Variants in MTA2 observed in about 807,000 individuals in gnomAD.
The protein encoded by MTA2 is metastasis-associated protein MTA2.
In MTA2, 22 loss-of-function variants were observed where a neutral mutation model predicts 87.1. The observed-to-expected ratio is 0.25, with a 90% confidence interval of 0.18 to 0.36. The LOEUF (loss-of-function observed/expected upper bound fraction) is 0.36, where lower values mean the gene tolerates loss of function less well. MTA2 is among the 10% of genes least tolerant of loss of function. The pLI, the probability that MTA2 is intolerant of heterozygous loss-of-function variation, is 1.00. For synonymous variants in MTA2, 314 were observed against 310.1 expected, an observed-to-expected ratio of 1.01 and a Z score of -0.13; for missense variants, 542 against 853.2, an observed-to-expected ratio of 0.64 and a Z score of 4.54.
At position 62,596,205 on chromosome 11, in the gene MTA2, C is replaced by G. The variant is rs1032783114; in HGVS notation, c.1016+74G>C. 3.1e-6 allele frequency: 5 copies of G among 1,595,522 alleles called. No homozygotes were observed. The African/African-American group carries it at 4.0e-5, about 13-fold the overall frequency. ...GTGTGCCCCTACCTCCTGCCCACCC[C>G]CAATCACTGAGGAAGGCACAAGTTA... On this transcript the variant is annotated intron_variant, in intron 11 of 17. Coordinates refer to ENST00000278823, the MANE Select transcript of MTA2 (RefSeq NM_004739.4).
intron 16 of MTA2, 39 bp from the exon 17 acceptor site, chr11:62,594,446 C>T: frequency 6.2e-7 from 1 of 1,613,750 alleles, no homozygotes; most frequent in South Asian, 1.1e-5. Flanking sequence ...GGGAAGGGAC[C>T]CTCTCAGACT....
At chr11:62,601,359 C>A (rs1942194385) in intron 1 of MTA2, 64 bp downstream of exon 1, 13 of 1,581,158 alleles carry the variant, frequency 8.2e-6, no homozygotes, top group Non-Finnish European at 1.1e-5. Context: ...CGGTGCCGAG[C>A]CCCTCAGGTC....
At position 62,595,609 on chromosome 11, in the gene MTA2, G is replaced by A; in HGVS notation, c.1255-117C>T. The A allele has an allele frequency of 7.3e-6, 11 of 1,505,868 alleles. No individual in the cohort carries two copies. In the South Asian group the frequency reaches 1.4e-4, roughly 19 times the overall value. The allele number at this position is 1,505,868 out of a possible 1,614,324, so 93.3% of individuals were successfully genotyped here. ...GTCTAATCTCTTTACTGACCTCTTG[G>A]CCTATGTGTCTCCCCAACCAGCATC... is the stretch of plus-strand genomic sequence containing the variant. On this transcript the variant is annotated intron_variant, in intron 13 of 17. Coordinates refer to ENST00000278823, the MANE Select transcript of MTA2 (RefSeq NM_004739.4). The surrounding 1 kb of genome is among the most constrained non-coding windows in gnomAD (Gnocchi z 4.9).
chr11:62,601,473 G>A lies in MTA2; in HGVS notation c.-23C>T. On this transcript the variant is annotated 5_prime_UTR_variant, in exon 1 of 18. Coordinates refer to ENST00000278823, the MANE Select transcript of MTA2 (RefSeq NM_004739.4). ...CATGGCCGTTCCCGCCGCCGCCTCC[G>A]GCCGCACAAAGGGGTCCGGGAGGCT... The A allele has an allele frequency of 6.2e-7, 1 of 1,607,034 alleles. No individual in the cohort carries two copies. Among genetic ancestry groups the A allele is most frequent in the South Asian group, 1.1e-5 (1 of 90,084 alleles).
intron 3 of MTA2, 112 bp downstream of exon 3, chr11:62,600,054 C>G (rs1942155893): frequency 6.3e-6 from 6 of 958,476 alleles, no homozygotes; most frequent in Admixed American, 5.1e-5. Flanking sequence ...GCATTTCCCA[C>G]CCCCAAACTC....
In MTA2 at chr11:62,600,214, GCCGGAA is replaced by G; in HGVS notation, c.136_141del (p.Phe46_Arg47del). ...TTGAGGCTACTAGAAATGTCCCTGC[GCCGGAA>G]AAGACAGACAACCTTTGCCTCCACA... is the stretch of plus-strand genomic sequence containing the variant. On this transcript the variant is annotated inframe_deletion, in exon 3 of 18. Transcript: ENST00000278823. The G allele has an allele frequency of 6.2e-7, 1 of 1,614,184 alleles. No individual in the cohort carries two copies. The highest frequency in any genetic ancestry group is 8.5e-7 in the Non-Finnish European group (1 of 1,180,038).
Position 62,595,131 on chromosome 11 carries a change from G to A in MTA2, c.1484-61C>T. 3.2e-6 allele frequency: 5 copies of A among 1,571,318 alleles called. No homozygotes were observed. Among genetic ancestry groups the A allele is most frequent in the East Asian group, 2.2e-5 (1 of 44,452 alleles). On this transcript the variant is annotated intron_variant, in intron 14 of 17. Coordinates refer to ENST00000278823, the MANE Select transcript of MTA2 (RefSeq NM_004739.4). This position sits in a 1 kb window ranked among gnomAD's most constrained non-coding sequence, Gnocchi z 4.9. ...ACCATTCAGGTCTCCTCTAAGGCCA[G>A]AAGCCAACTCTAATCTTAAAAAAAT...
intron 1 of MTA2, 135 bp downstream of exon 1, chr11:62,601,288 G>A (rs1942191514): frequency 1.8e-6 from 2 of 1,123,090 alleles, no homozygotes; most frequent in African/African-American, 3.2e-5. Context: ...CTCGTCTCCC[G>A]GTTCCGGTTC....
intron 1 of MTA2, 22 bp downstream of exon 1, chr11:62,601,401 T>C (rs1032127571): frequency 9.9e-6 from 16 of 1,609,608 alleles, no homozygotes; most frequent in Non-Finnish European, 1.4e-5. Context: ...CCGGGCCCCG[T>C]ATCCCTGCGC....
rs562163868 is a variant in MTA2 at position 62,600,270 on chromosome 11, G to GA, written c.97-12dup. 6 of 1,609,792 alleles carry GA rather than the reference G, an allele frequency of 3.7e-6. No individual in the cohort carries two copies. Among genetic ancestry groups the GA allele is most frequent in the Non-Finnish European group, 5.1e-6 (6 of 1,177,898 alleles). ...ATTTCCATTTGCAGTCTAAGGGGAGGAAAAAAACAAAAACAAAACAACGTA... is the reference window on the plus strand; with the variant it reads ...ATTTCCATTTGCAGTCTAAGGGGAGGAAAAAAAACAAAAACAAAACAACGTA... On this transcript the variant is annotated splice_polypyrimidine_tract_variant and intron_variant, in intron 2 of 17. Coordinates refer to ENST00000278823, the MANE Select transcript of MTA2 (RefSeq NM_004739.4).
chr11:62,596,576 C>G, intron 9 of MTA2, 44 bp from the exon 10 acceptor site: 2 of 1,612,838 alleles, frequency 1.2e-6, no homozygotes, highest in Non-Finnish European at 8.5e-7. Context: ...CATCTGGCCC[C>G]AGGTCCTGGT....
intron 1 of MTA2, 141 bp from the exon 2 acceptor site, chr11:62,600,830 T>C (rs1276828950): frequency 1.5e-6 from 1 of 660,586 alleles, no homozygotes; most frequent in Non-Finnish European, 2.6e-6. Flanking sequence ...GATGTGAAAG[T>C]GGACAGACTA....
Position 62,594,043 on chromosome 11 carries a change from G to C in MTA2, c.1842-3C>G. 6.3e-7 allele frequency: 1 copy of C among 1,589,256 alleles called. No individual in the cohort carries two copies. Among genetic ancestry groups the C allele is most frequent in the Non-Finnish European group, 8.6e-7 (1 of 1,169,070 alleles). ...GGGTCAGAGCCTTCCGTAGGGCCCT[G>C]GCCAGAAAGAGCAAGTGGGAAACAG... On this transcript the variant is annotated splice_polypyrimidine_tract_variant and splice_region_variant and intron_variant, in intron 17 of 17. Transcript: ENST00000278823.
At chr11:62,601,015 G>A (rs773215288) in intron 1 of MTA2, 2 of 489,952 alleles carry the variant, frequency 4.1e-6, no homozygotes, top group African/African-American at 2.0e-5. Context: ...CTAGCGCAGG[G>A]CCCCTACCTT....
At chr11:62,598,833 C>T (rs1942135563) in intron 3 of MTA2, among the ~76,000 whole-genome samples, 194 bp from the exon 4 acceptor site, 1 of 152,182 alleles carries the variant, frequency 6.6e-6, no homozygotes, top group Non-Finnish European at 1.5e-5. Flanking sequence ...GCTCCCAACT[C>T]TATCAGTAAT....
In MTA2 at chr11:62,597,553, C is replaced by T. The variant is rs148720441; in HGVS notation, c.593+57G>A. 44 of 1,544,766 alleles carry T rather than the reference C, an allele frequency of 2.8e-5. No homozygotes were observed. In the East Asian group the frequency reaches 9.9e-4, roughly 35 times the overall value. ...AAGTCCATCTCTAAGAACCATGGGA[C>T]TCAGAACAATGTCCACACCTCCCCC... On this transcript the variant is annotated intron_variant, in intron 7 of 17. Transcript: ENST00000278823.
In MTA2 at chr11:62,595,715, ACTGCT is replaced by A; in HGVS notation, c.1254+32_1254+36del. ...ACCTAAGCTCACCATCAATATGCTTACTGCTCTCCCCTGCTTTTCTTCCCACTGAT... is the reference window on the plus strand; with the variant it reads ...ACCTAAGCTCACCATCAATATGCTTACTCCCCTGCTTTTCTTCCCACTGAT... On this transcript the variant is annotated intron_variant, in intron 13 of 17. Transcript: ENST00000278823. This position sits in a 1 kb window ranked among gnomAD's most constrained non-coding sequence, Gnocchi z 4.9. The A allele has an allele frequency of 1.2e-6, 2 of 1,610,848 alleles. No homozygotes were observed. Among genetic ancestry groups the A allele is most frequent in the Non-Finnish European group, 1.7e-6 (2 of 1,178,124 alleles).
chr11:62,600,930 A>C (rs1224039192), intron 1 of MTA2: 2 of 526,806 alleles, frequency 3.8e-6, no homozygotes, highest in East Asian at 3.3e-5. Context: ...AACAGGCAAG[A>C]AGCAGGGGTT....
At chr11:62,594,692 C>T (rs577961435) in intron 15 of MTA2, 58 bp from the exon 16 acceptor site, 3 of 1,483,624 alleles carry the variant, frequency 2.0e-6, no homozygotes, top group South Asian at 1.2e-5. Flanking sequence ...CCCTTTGTTA[C>T]TTCCATCTCT....
Sources: gnomAD v4.1 joint callset for allele counts (sites outside exome capture counted in the v4.1 genomes callset) on GRCh38, gnomAD v4.1.1 for gene constraint, Gnocchi (gnomAD v3.1) non-coding constraint, MANE v1.5 for transcripts, NCBI Gene and HGNC (gene_info 2026-07-23, HGNC 2026-07-21) for gene names.